Variants in CMSS1 observed in about 807,000 individuals in gnomAD.
CMSS1 encodes the protein protein CMSS1.
A neutral mutation model predicts 43.5 loss-of-function variants in CMSS1; 33 were observed. The observed-to-expected ratio is 0.76, with a 90% confidence interval of 0.57 to 1.01. CMSS1 has a LOEUF of 1.01. CMSS1 is among the 50% of genes least tolerant of loss of function. The pLI is 0.00. For missense variants in CMSS1, 313 were observed against 326.4 expected (o/e 0.96, Z 0.32); for synonymous variants, 115 against 117.2 (o/e 0.98, Z 0.12).
chr3:100,025,962 G>A (rs570033484), intron 1 of CMSS1, among the ~76,000 whole-genome samples: 79 of 152,274 alleles, frequency 5.2e-4, no homozygotes, highest in African/African-American at 1.8e-3. Flanking sequence ...GTGAGATGTG[G>A]TATTAGAGCT....
At chr3:99,820,422 C>T (rs1942413423) in intron 1 of CMSS1, among the ~76,000 whole-genome samples, 1 of 152,080 alleles carries the variant, frequency 6.6e-6, no homozygotes, top group Admixed American at 6.6e-5. Context: ...GTCTTGAGCT[C>T]CTGACCTGAA....
chr3:100,003,530 A>G (rs1709903081), intron 1 of CMSS1, among the ~76,000 whole-genome samples: 1 of 152,200 alleles, frequency 6.6e-6, no homozygotes, highest in Non-Finnish European at 1.5e-5. Context: ...TCCATTTTGT[A>G]GATGGCCCAG....
chr3:100,005,193 A>G (rs1355074961), intron 1 of CMSS1, among the ~76,000 whole-genome samples: 1 of 152,232 alleles, frequency 6.6e-6, no homozygotes, highest in Non-Finnish European at 1.5e-5. Context: ...CTGTATTTGT[A>G]TAGCACCTTG....
chr3:100,141,454 T>C, intron 1 of CMSS1: 1 of 427,938 alleles, frequency 2.3e-6, no homozygotes, highest in Admixed American at 2.6e-5. Context: ...CTTAACATAT[T>C]GTGGTGAAGA....
chr3:100,026,935 C>T (rs954672214), intron 1 of CMSS1, among the ~76,000 whole-genome samples: 2 of 151,914 alleles, frequency 1.3e-5, no homozygotes, highest in Admixed American at 6.6e-5. Context: ...TAAGACTCTC[C>T]GACCTCATCT....
chr3:100,176,974 T>G (rs1576124140), intron 9 of CMSS1, among the ~76,000 whole-genome samples: 1 of 152,316 alleles, frequency 6.6e-6, no homozygotes, highest in African/African-American at 2.4e-5. Flanking sequence ...TTAAAAACAA[T>G]CCATTATCAT....
intron 1 of CMSS1, among the ~76,000 whole-genome samples, chr3:99,924,605 G>C (rs1370352641): frequency 6.6e-6 from 1 of 152,100 alleles, no homozygotes; most frequent in African/African-American, 2.4e-5. Context: ...TGCAACTTCC[G>C]CCTCCCGGGT....
At chr3:99,972,015 T>G (rs909963193) in intron 1 of CMSS1, among the ~76,000 whole-genome samples, 2 of 152,168 alleles carry the variant, frequency 1.3e-5, no homozygotes, top group African/African-American at 4.8e-5. Context: ...AGCAAATGGA[T>G]AAGATGGTTA....
At chr3:99,993,945 C>T (rs1038512680) in intron 1 of CMSS1, among the ~76,000 whole-genome samples, 1 of 151,992 alleles carries the variant, frequency 6.6e-6, no homozygotes, top group Non-Finnish European at 1.5e-5. Context: ...CAGTGTGTGT[C>T]CTTGTCTGAT....
rs1343493771 is a variant in CMSS1 at position 100,181,524 on chromosome 3, T to TCACTGCAGGATCC, written c.*3140_*3152dup. 2 of 152,246 alleles carry TCACTGCAGGATCC rather than the reference T, an allele frequency of 1.3e-5. No homozygotes were observed. Among genetic ancestry groups the TCACTGCAGGATCC allele is most frequent in the African/African-American group, 2.4e-5 (1 of 41,462 alleles). 9.4% of individuals were successfully genotyped at this position (152,246 alleles called of 1,614,324 possible). A position where few individuals can be genotyped will look rare whatever the true frequency, so the allele number is the denominator to read the frequency against. ...TAATGTCCTTGTTCTATTCCAGGAT[T>TCACTGCAGGATCC]CACTGCAGGATCCCACATTGCACTT... On this transcript the variant is annotated 3_prime_UTR_variant, in exon 10 of 10. Transcript: ENST00000421999.
chr3:99,904,469 T>C (rs542672829), intron 1 of CMSS1, among the ~76,000 whole-genome samples: 70 of 152,330 alleles, frequency 4.6e-4, no homozygotes, highest in South Asian at 3.5e-3. Flanking sequence ...TTTAAAAATA[T>C]ATTTACTATG....
intron 1 of CMSS1, among the ~76,000 whole-genome samples, chr3:99,970,542 T>C (rs943973461): frequency 6.6e-6 from 1 of 152,262 alleles, no homozygotes; most frequent in Non-Finnish European, 1.5e-5. Context: ...TCTCTACATT[T>C]TGCCTAACTG....
At chr3:100,070,534 TA>T (rs2065743684) in intron 1 of CMSS1, among the ~76,000 whole-genome samples, 1 of 152,224 alleles carries the variant, frequency 6.6e-6, no homozygotes, top group Non-Finnish European at 1.5e-5. Flanking sequence ...TGTGCCAATT[TA>T]AGTGGATGTA....
intron 1 of CMSS1, among the ~76,000 whole-genome samples, chr3:100,131,222 C>G (rs372447958): frequency 7.2e-4 from 109 of 152,268 alleles, no homozygotes; most frequent in Non-Finnish European, 1.2e-3. Context: ...CAAGCTCACA[C>G]AGCTTGTAAA....
intron 1 of CMSS1, among the ~76,000 whole-genome samples, chr3:100,073,699 G>A (rs2065799496): frequency 1.3e-5 from 2 of 152,324 alleles, no homozygotes; most frequent in South Asian, 4.1e-4. Flanking sequence ...CCACTGGTCT[G>A]TCTTCTAACA....
chr3:100,101,769 G>T (rs190077347), intron 1 of CMSS1, among the ~76,000 whole-genome samples: 1 of 151,548 alleles, frequency 6.6e-6, no homozygotes, highest in Non-Finnish European at 1.5e-5. Context: ...ATCCCTCCCC[G>T]CTCCCCTCAC....
chr3:99,895,559 C>T (rs1352192186), intron 1 of CMSS1, among the ~76,000 whole-genome samples: 1 of 152,096 alleles, frequency 6.6e-6, no homozygotes, highest in Non-Finnish European at 1.5e-5. Context: ...GAACTTAGTT[C>T]ACAATAGCAT....
intron 1 of CMSS1, chr3:99,830,256 T>C (rs1435375404): frequency 8.8e-6 from 3 of 342,536 alleles, no homozygotes; most frequent in South Asian, 4.6e-5. Context: ...AGTAAAATAA[T>C]TGTAGACGTG....
At chr3:100,106,994 G>T (rs749264604) in intron 1 of CMSS1, among the ~76,000 whole-genome samples, 29 of 152,184 alleles carry the variant, frequency 1.9e-4, no homozygotes, top group Non-Finnish European at 8.8e-5. Flanking sequence ...ACCAATGTGT[G>T]TCTGACCTAA....
Sources: gnomAD v4.1 joint callset for allele counts (sites outside exome capture counted in the v4.1 genomes callset) on GRCh38, gnomAD v4.1.1 for gene constraint, MANE v1.5 for transcripts, NCBI Gene and HGNC (gene_info 2026-07-23, HGNC 2026-07-21) for gene names.